IL6ST: variants seen among roughly 807,000 people sequenced by gnomAD.
The protein encoded by IL6ST is interleukin-6 receptor subunit beta.
Under a neutral mutation model 91.3 loss-of-function variants are expected in IL6ST, and 24 were observed. That is an observed-to-expected ratio of 0.26 (90% CI 0.19 to 0.37). The LOEUF is 0.37. Among genes scored for constraint, IL6ST ranks in the 10% least tolerant of loss-of-function variants. The probability of loss-of-function intolerance (pLI) is 1.00; values close to 1 mark genes in which losing one functional copy is unlikely to be tolerated. For synonymous variants in IL6ST, 351 were observed against 373.6 expected, an observed-to-expected ratio of 0.94 and a Z score of 0.70; for missense variants, 914 against 1,078.5, an observed-to-expected ratio of 0.85 and a Z score of 2.14.
chr5:55,956,667 A>G (rs6894414), intron 9 of IL6ST, among the ~76,000 whole-genome samples: 18,627 of 152,136 alleles, frequency 0.12, 1,217 homozygotes, highest in Middle Eastern at 0.15. Context: ...CTCTTCTTAT[A>G]GAACTTATAC....
chr5:55,970,987 A>AC (rs1752931830), intron 3 of IL6ST, among the ~76,000 whole-genome samples: 1 of 152,148 alleles, frequency 6.6e-6, no homozygotes, highest in African/African-American at 2.4e-5. Flanking sequence ...TACATGCTTT[A>AC]CCTATCACCT....
At position 55,987,928 on chromosome 5, in the gene IL6ST, T is replaced by C. The variant is rs1415486655; in HGVS notation, c.-103-5117A>G. Among the ~76,000 whole-genome samples the C allele has an allele frequency of 2.6e-5, 4 of 152,182 alleles. No homozygotes were observed. The East Asian group carries it at 7.7e-4, about 29-fold the overall frequency. ...CAGGTGGATCACAAGGTCAGGAGTT[T>C]GAGACCAGCCTGGCCAATATGGTGA... On this transcript the variant is annotated intron_variant, in intron 1 of 16. Transcript: ENST00000381298.
rs1468847159 is a variant in IL6ST, at chr5:55,973,831, A to G, written c.64+2384T>C. Reference sequence around the variant, plus strand: ...TAATCAACAACTTGGGAAAAGACAGACACACATGCTTATCAAATTAGCAGA... The same window carrying G: ...TAATCAACAACTTGGGAAAAGACAGGCACACATGCTTATCAAATTAGCAGA... On this transcript the variant is annotated intron_variant, in intron 3 of 16. Coordinates refer to ENST00000381298, the MANE Select transcript of IL6ST (RefSeq NM_002184.4). Among the ~76,000 whole-genome samples the G allele has an allele frequency of 3.3e-5, 5 of 152,218 alleles. No homozygotes were observed. In the East Asian group the frequency reaches 9.6e-4, roughly 29 times the overall value.
In IL6ST at chr5:55,941,339, A is replaced by G. The variant is rs1034524295; in HGVS notation, c.2500T>C (p.Ser834Pro). 15 of 1,614,130 alleles carry G rather than the reference A, an allele frequency of 9.3e-6. No homozygotes were observed. Among genetic ancestry groups the G allele is most frequent in the African/African-American group, 2.7e-5 (2 of 75,062 alleles). The change falls in exon 17 of 17, where the codon TCA becomes CCA. Residue 834 changes from serine to proline, a missense_variant. Physicochemically the swap from Ser to Pro is moderately conservative, Grantham distance 74 (BLOSUM62 -1). Coordinates refer to ENST00000381298, the MANE Select transcript of IL6ST (RefSeq NM_002184.4). ...TCATTGACTGATGAAACTTGCTTTG[A>G]CCTTTCAAAATGTGAAATATCTGGA... ...SSPDISHFER[S>P]KQVSSVNEED...
chr5:55,961,095 T>A (rs1201038280), intron 7 of IL6ST, among the ~76,000 whole-genome samples: 1 of 152,210 alleles, frequency 6.6e-6, no homozygotes, highest in East Asian at 1.9e-4. Flanking sequence ...GACTAATACA[T>A]TAAACTCAAC....
intron 13 of IL6ST, 48 bp from the exon 14 acceptor site, chr5:55,951,652 C>T (rs1751642730): frequency 6.4e-7 from 1 of 1,554,042 alleles, no homozygotes; most frequent in African/African-American, 1.4e-5. Context: ...AATGCTTTTG[C>T]TTATTTGGCC....
intron 1 of IL6ST, among the ~76,000 whole-genome samples, chr5:55,988,089 C>A (rs1192866380): frequency 1.3e-5 from 2 of 150,870 alleles, no homozygotes; most frequent in Admixed American, 6.6e-5. Context: ...CGAGAATGCA[C>A]CACTGCACTC....
chr5:55,965,355 AC>A (rs1217411573), intron 5 of IL6ST, among the ~76,000 whole-genome samples: 1 of 152,192 alleles, frequency 6.6e-6, no homozygotes, highest in Non-Finnish European at 1.5e-5. Flanking sequence ...GAAGATGTAG[AC>A]GTCAGGTAAA....
At chr5:55,950,692 T>C (rs1346283512) in intron 14 of IL6ST, among the ~76,000 whole-genome samples, 2 of 150,620 alleles carry the variant, frequency 1.3e-5, no homozygotes, top group African/African-American at 4.9e-5. Context: ...CAGAGTCAAA[T>C]GCAGAAAAGG....
At position 55,940,612 on chromosome 5, in the gene IL6ST, T is replaced by A. The variant is rs758140886; in HGVS notation, c.*470A>T. The A allele has an allele frequency of 4.6e-6, 1 of 216,790 alleles. No individual in the cohort carries two copies. The highest frequency in any genetic ancestry group is 9.3e-6 in the Non-Finnish European group (1 of 107,784). 13.4% of individuals were successfully genotyped at this position (216,790 alleles called of 1,614,324 possible). On this transcript the variant is annotated 3_prime_UTR_variant, in exon 17 of 17. Transcript: ENST00000381298. ...CATGTAGTTATGGCCTATGGACCTC[T>A]TTTTAAGTTATTTTAGCAGAAGTAG...
At chr5:55,987,097 C>T (rs1274661664) in intron 1 of IL6ST, among the ~76,000 whole-genome samples, 4 of 152,116 alleles carry the variant, frequency 2.6e-5, no homozygotes, top group African/African-American at 7.2e-5. Flanking sequence ...CCTTGGAGGT[C>T]GAGGCTGCAG....
chr5:55,944,997 A>G (rs1307781920), intron 15 of IL6ST, among the ~76,000 whole-genome samples: 2 of 150,734 alleles, frequency 1.3e-5, no homozygotes, highest in African/African-American at 4.9e-5. Context: ...TAACAACCAT[A>G]TAATAAATCA....
chr5:55,979,637 G>C (rs1753526534), intron 2 of IL6ST, among the ~76,000 whole-genome samples: 1 of 152,140 alleles, frequency 6.6e-6, no homozygotes, highest in Non-Finnish European at 1.5e-5. Context: ...CCAATACATT[G>C]AACACTTTAA....
rs755398863 is a variant in IL6ST, at chr5:55,969,600, G to C, written c.320C>G (p.Thr107Arg). The part of the protein sequence containing the change: ...LNIQLTCNIL[T>R]FGQLEQNVYG... ...AACATTCTGTTCAAGCTGTCCGAAT[G>C]TAAGAATGTTGCAAGTGAGCTGAAT... Residue 107 changes from threonine to arginine, a missense_variant, in exon 4 of 17, where the codon ACA becomes AGA. Physicochemically the swap from Thr to Arg is moderately conservative, Grantham distance 71. Coordinates refer to ENST00000381298, the MANE Select transcript of IL6ST (RefSeq NM_002184.4). 9 of 1,613,076 alleles carry C rather than the reference G, an allele frequency of 5.6e-6. No homozygotes were observed. Among genetic ancestry groups the C allele is most frequent in the Admixed American group, 5.0e-5 (3 of 59,982 alleles).
rs71602925 is a variant in IL6ST, at chr5:55,947,592, TAAAAAAAAAAAAAAA to T, written c.1841-18_1841-4del. The T allele has an allele frequency of 5.1e-6, 2 of 390,984 alleles. No homozygotes were observed. The highest frequency in any genetic ancestry group is 3.6e-5 in the South Asian group (1 of 27,614). 24.2% of individuals were successfully genotyped at this position (390,984 alleles called of 1,614,324 possible). On this transcript the variant is annotated splice_polypyrimidine_tract_variant and splice_region_variant and intron_variant, in intron 14 of 16. Transcript: ENST00000381298. ...TATGGCTTCAATTTCTCCTTGAGCT[TAAAAAAAAAAAAAAA>T]AAAAAAAAAAGAGGTGTGATGGGAA... is the stretch of plus-strand genomic sequence containing the variant.
At chr5:55,944,598 C>T (rs1751126035) in intron 15 of IL6ST, 1 of 607,244 alleles carries the variant, frequency 1.6e-6, no homozygotes. Flanking sequence ...GACTCAGTAG[C>T]GTTAAGACTG....
chr5:55,984,756 C>T (rs1337588364), intron 1 of IL6ST, among the ~76,000 whole-genome samples: 1 of 151,620 alleles, frequency 6.6e-6, no homozygotes, highest in African/African-American at 2.4e-5. Context: ...GGATGCTTAA[C>T]TTTAAGTATA....
At position 55,968,265 on chromosome 5, in the gene IL6ST, A is replaced by C; in HGVS notation, c.491+11T>G. 1.3e-6 allele frequency: 2 copies of C among 1,568,310 alleles called. No individual in the cohort carries two copies. The highest frequency in any genetic ancestry group is 1.7e-6 in the Non-Finnish European group (2 of 1,162,746). The stretch of plus-strand genomic sequence containing the variant: ...ATAAATCTAACATGAAACAAATTTA[A>C]AATAACGTACCATTCAGATTTTAAA... On this transcript the variant is annotated intron_variant, in intron 5 of 16. Coordinates refer to ENST00000381298, the MANE Select transcript of IL6ST (RefSeq NM_002184.4).
At chr5:55,985,965 G>C (rs1333424351) in intron 1 of IL6ST, among the ~76,000 whole-genome samples, 1 of 152,188 alleles carries the variant, frequency 6.6e-6, no homozygotes, top group Non-Finnish European at 1.5e-5. Flanking sequence ...CAGAAGGTAG[G>C]ATGACTCCTA....
Sources: allele counts gnomAD v4.1 joint callset (sites outside exome capture counted in the v4.1 genomes callset), GRCh38; gene constraint gnomAD v4.1.1; transcripts MANE v1.5; gene names NCBI Gene and HGNC (gene_info 2026-07-23, HGNC 2026-07-21).